The following EHMT2 variants were observed in gnomAD, a reference collection of about 807,000 sequenced individuals.
EHMT2 encodes the protein histone-lysine N-methyltransferase EHMT2.
Under a neutral mutation model 143.3 loss-of-function variants are expected in EHMT2, and 59 were observed. The observed-to-expected ratio is 0.41, with a 90% confidence interval of 0.33 to 0.51. EHMT2 has a LOEUF of 0.51. Ranked by LOEUF, EHMT2 falls within the 20% of genes least tolerant of loss-of-function variation. The probability of loss-of-function intolerance (pLI) is 0.18; values close to 1 mark genes in which losing one functional copy is unlikely to be tolerated. For synonymous variants in EHMT2, 604 were observed against 651.5 expected, an observed-to-expected ratio of 0.93 and a Z score of 1.11; for missense variants, 1,174 against 1,645.9, an observed-to-expected ratio of 0.71 and a Z score of 4.96.
Position 31,881,459 on chromosome 6 carries a change from G to C in EHMT2, c.3198-367C>G. 2.8e-6 allele frequency: 1 copy of C among 357,624 alleles called. No homozygotes were observed. The highest frequency in any genetic ancestry group is 3.2e-5 in the South Asian group (1 of 31,100). The allele number at this position is 357,624 out of a possible 1,614,324, so 22.2% of individuals were successfully genotyped here. A position where few individuals can be genotyped will look rare whatever the true frequency, so the allele number is the denominator to read the frequency against. On this transcript the variant is annotated intron_variant, in intron 25 of 27. Transcript: ENST00000375537. This position sits in a 1 kb window ranked among gnomAD's most constrained non-coding sequence, Gnocchi z 4.8. ...GGGGCCAGGACTGCAGGAAGAGCCAGAGGTACAGGAGTGGCAAGGAACTCA... is the reference window on the plus strand; with the variant it reads ...GGGGCCAGGACTGCAGGAAGAGCCACAGGTACAGGAGTGGCAAGGAACTCA...
chr6:31,886,778 G>A (rs762982400), exon 17 of EHMT2: 35 of 1,614,114 alleles, frequency 2.2e-5, no homozygotes, highest in Non-Finnish European at 2.9e-5. Flanking sequence ...CGCACACCTT[G>A]CTATAGACAC....
exon 17 of EHMT2, chr6:31,886,795 C>G (rs377229215): frequency 6.2e-7 from 1 of 1,614,260 alleles, no homozygotes; most frequent in African/African-American, 1.3e-5. Flanking sequence ...ACACAGCCAC[C>G]ACGCTGCACC....
exon 3 of EHMT2, chr6:31,896,773 G>A (rs146596577): frequency 1.2e-6 from 2 of 1,613,084 alleles, no homozygotes; most frequent in South Asian, 2.2e-5. Flanking sequence ...GTCGGGGGTG[G>A]CCTTGGGCAG....
chr6:31,886,972 C>CATG, intron 16 of EHMT2, 23 bp downstream of exon 16: 1 of 1,613,912 alleles, frequency 6.2e-7, no homozygotes, highest in South Asian at 1.1e-5. Flanking sequence ...GTGAATGAGG[C>CATG]ATGGGGCCGG....
At position 31,887,125 on chromosome 6, in the gene EHMT2, G is replaced by A. The variant is rs571472119; in HGVS notation, c.2012-24C>T. 6.5e-5 allele frequency: 102 copies of A among 1,567,098 alleles called. 2 individuals are homozygous for A. In the South Asian group the frequency reaches 8.5e-4, roughly 13 times the overall value. On this transcript the variant is annotated intron_variant, in intron 15 of 27. Coordinates refer to ENST00000375537, the Ensembl canonical transcript of EHMT2. ...CACTGCGGGGAGAGCCCGCCACACC[G>A]GGAGAGGGAGGGACAAGTGGTAAGC...
intron 24 of EHMT2, 31 bp from the exon 25 acceptor site, chr6:31,882,816 G>A (rs758559699): frequency 1.9e-6 from 3 of 1,611,840 alleles, no homozygotes; most frequent in Non-Finnish European, 2.5e-6. Flanking sequence ...GCTGTTGGGT[G>A]GAGGCCCTGG....
chr6:31,896,527 G>C lies in EHMT2; in HGVS notation c.329-11C>G, dbSNP rs659445. 1 of 1,611,266 alleles carries C rather than the reference G, an allele frequency of 6.2e-7. No homozygotes were observed. The highest frequency in any genetic ancestry group is 8.5e-7 in the Non-Finnish European group (1 of 1,179,000). Reference sequence around the variant, plus strand: ...ACTTTGTGGCATGGCCTAGAAAACAGGCAAGCAAAAGGCAAGATAAGAAAG... The same window carrying C: ...ACTTTGTGGCATGGCCTAGAAAACACGCAAGCAAAAGGCAAGATAAGAAAG... On this transcript the variant is annotated splice_polypyrimidine_tract_variant and intron_variant, in intron 3 of 27. Transcript: ENST00000375537.
chr6:31,890,966 G>A (rs1470548274), intron 7 of EHMT2, among the ~76,000 whole-genome samples: 1 of 151,492 alleles, frequency 6.6e-6, no homozygotes, highest in Non-Finnish European at 1.5e-5. Flanking sequence ...TTTTGAGACG[G>A]AGTTTCGCTC....
At position 31,883,662 on chromosome 6, in the gene EHMT2, C is replaced by T; in HGVS notation, c.2916+144G>A. 3 of 1,255,470 alleles carry T rather than the reference C, an allele frequency of 2.4e-6. No individual in the cohort carries two copies. The highest frequency in any genetic ancestry group is 3.4e-6 in the Non-Finnish European group (3 of 888,622). 77.8% of individuals were successfully genotyped at this position (1,255,470 alleles called of 1,614,324 possible). ...CTGTGACCTAGGAAAAGGATCCCTCCCCTGGTGGGGATGCGACCCCACACC... is the reference window on the plus strand; with the variant it reads ...CTGTGACCTAGGAAAAGGATCCCTCTCCTGGTGGGGATGCGACCCCACACC... On this transcript the variant is annotated intron_variant, in intron 22 of 27. Transcript: ENST00000375537. This position sits in a 1 kb window ranked among gnomAD's most constrained non-coding sequence, Gnocchi z 5.6.
At chr6:31,886,533 A>C (rs770249116) in intron 18 of EHMT2, 48 bp downstream of exon 18, 9 of 1,569,446 alleles carry the variant, frequency 5.7e-6, no homozygotes, top group Non-Finnish European at 7.8e-6. Flanking sequence ...AAGCCAAGGA[A>C]CCCAGGCACC....
chr6:31,882,343 GA>G (rs1315709287), intron 25 of EHMT2, among the ~76,000 whole-genome samples: 1 of 152,056 alleles, frequency 6.6e-6, no homozygotes, highest in African/African-American at 2.4e-5. Context: ...AGAACATCCA[GA>G]AGCAGAGAGG....
chr6:31,895,516 C>T (rs1050334711), intron 4 of EHMT2: 1 of 151,714 alleles, frequency 6.6e-6, no homozygotes, highest in African/African-American at 2.4e-5. Context: ...TACTTGTGGG[C>T]TGGTTGTGGT....
Position 31,880,960 on chromosome 6 carries a change from G to T in EHMT2, c.3276+54C>A. On this transcript the variant is annotated intron_variant, in intron 26 of 27. Coordinates refer to ENST00000375537, the Ensembl canonical transcript of EHMT2. This position sits in a 1 kb window ranked among gnomAD's most constrained non-coding sequence, Gnocchi z 6.6. ...GTTTCCATTTGCTGACTTCCCAGAGGCTCCTGAAAGCCAGCCCTGGGGAGC... is the reference window on the plus strand; with the variant it reads ...GTTTCCATTTGCTGACTTCCCAGAGTCTCCTGAAAGCCAGCCCTGGGGAGC... 1 of 1,607,544 alleles carries T rather than the reference G, an allele frequency of 6.2e-7. No homozygotes were observed. The highest frequency in any genetic ancestry group is 8.5e-7 in the Non-Finnish European group (1 of 1,175,240).
chr6:31,886,323 C>T, intron 18 of EHMT2: 3 of 525,420 alleles, frequency 5.7e-6, no homozygotes, highest in Non-Finnish European at 1.0e-5. Context: ...CAATGTATGA[C>T]AACCCAAGAG....
chr6:31,880,588 A>C lies in EHMT2; in HGVS notation c.3452+85T>G. 1 of 1,421,736 alleles carries C rather than the reference A, an allele frequency of 7.0e-7. No individual in the cohort carries two copies. The highest frequency in any genetic ancestry group is 9.8e-7 in the Non-Finnish European group (1 of 1,023,078). The allele number at this position is 1,421,736 out of a possible 1,614,324, so 88.1% of individuals were successfully genotyped here. Reference sequence around the variant, plus strand: ...GCTCTGCACTACTCCATGCCTGGACACCAGGTACATGCCAGCCTTCAGGTC... The same window carrying C: ...GCTCTGCACTACTCCATGCCTGGACCCCAGGTACATGCCAGCCTTCAGGTC... On this transcript the variant is annotated intron_variant, in intron 27 of 27. Transcript: ENST00000375537. The surrounding 1 kb of genome is among the most constrained non-coding windows in gnomAD (Gnocchi z 6.6).
exon 28 of EHMT2, chr6:31,879,937 G>T: frequency 1.0e-6 from 1 of 986,134 alleles, no homozygotes; most frequent in Non-Finnish European, 1.5e-6. Context: ...TCCAGGGCCT[G>T]GCTGGGATCT....
At position 31,883,726 on chromosome 6, in the gene EHMT2, C is replaced by T; in HGVS notation, c.2916+80G>A. ...AGCCAACCCTTCCTTGGCCAGGTGCCTTTGCTGGTTTGAAGCTTGTCCAAC... is the reference window on the plus strand; with the variant it reads ...AGCCAACCCTTCCTTGGCCAGGTGCTTTTGCTGGTTTGAAGCTTGTCCAAC... On this transcript the variant is annotated intron_variant, in intron 22 of 27. Coordinates refer to ENST00000375537, the Ensembl canonical transcript of EHMT2. This position sits in a 1 kb window ranked among gnomAD's most constrained non-coding sequence, Gnocchi z 5.6. 5 of 1,562,942 alleles carry T rather than the reference C, an allele frequency of 3.2e-6. No homozygotes were observed. Among genetic ancestry groups the T allele is most frequent in the South Asian group, 1.1e-5 (1 of 88,016 alleles).
chr6:31,884,120 T>A lies in EHMT2; in HGVS notation c.2772-170A>T. On this transcript the variant is annotated intron_variant, in intron 21 of 27. Transcript: ENST00000375537. This position sits in a 1 kb window ranked among gnomAD's most constrained non-coding sequence, Gnocchi z 7.3. ...CATAGAATTTTAGATAAACAAGAAA[T>A]AGCTTTTTAGTATGTCCCAAAAATT... The A allele has an allele frequency of 1.3e-6, 1 of 792,758 alleles. No individual in the cohort carries two copies. The highest frequency in any genetic ancestry group is 1.9e-6 in the Non-Finnish European group (1 of 517,578). 49.1% of individuals were successfully genotyped at this position (792,758 alleles called of 1,614,324 possible).
At chr6:31,895,971 AG>A (rs1766357380) in intron 4 of EHMT2, 1 of 353,334 alleles carries the variant, frequency 2.8e-6, no homozygotes, top group African/African-American at 2.1e-5. Context: ...TGAGGTAGAA[AG>A]GAAGAGTGGT....
Sources: gnomAD v4.1 joint callset for allele counts (sites outside exome capture counted in the v4.1 genomes callset) on GRCh38, gnomAD v4.1.1 for gene constraint, Gnocchi (gnomAD v3.1) non-coding constraint, MANE v1.5 for transcripts, NCBI Gene and HGNC (gene_info 2026-07-23, HGNC 2026-07-21) for gene names.